LRRC73: variants seen among roughly 807,000 people sequenced by gnomAD.
LRRC73 encodes the protein leucine rich repeat containing 73, also known as leucine-rich repeat-containing protein 73.
In LRRC73, 16 loss-of-function variants were observed where a neutral mutation model predicts 26.4. That is an observed-to-expected ratio of 0.61 (90% CI 0.41 to 0.92). The LOEUF is 0.92. LRRC73 is among the 40% of genes least tolerant of loss of function. The probability of loss-of-function intolerance (pLI) is 0.00; values close to 1 mark genes in which losing one functional copy is unlikely to be tolerated. For missense variants in LRRC73, 344 were observed against 416.3 expected (o/e 0.83, Z 1.51); for synonymous variants, 210 against 179.8 (o/e 1.17, Z -1.34).
chr6:43,507,134 C>A, exon 6 of LRRC73: 1 of 1,258,566 alleles, frequency 7.9e-7, no homozygotes, highest in Non-Finnish European at 1.1e-6. Flanking sequence ...CATGCAGCCC[C>A]TGACCCCAGT....
At chr6:43,508,139 TG>T (rs1243718806) in intron 3 of LRRC73, among the ~76,000 whole-genome samples, 158 bp downstream of exon 3, 1 of 152,154 alleles carries the variant, frequency 6.6e-6, no homozygotes, top group Non-Finnish European at 1.5e-5. Context: ...ATCTATTTGT[TG>T]GTCACCTGGT....
exon 2 of LRRC73, chr6:43,508,842 A>G (rs1384034020): frequency 6.2e-7 from 1 of 1,612,982 alleles, no homozygotes; most frequent in African/African-American, 1.3e-5. Context: ...CCAGGTCCAG[A>G]GCCACGAGGG....
At position 43,508,255 on chromosome 6, in the gene LRRC73, G is replaced by T. The variant is rs182217870; in HGVS notation, c.556+43C>A. 9.3e-4 allele frequency: 1,465 copies of T among 1,575,584 alleles called. 16 individuals are homozygous for T. Among genetic ancestry groups the T allele is most frequent in the Non-Finnish European group, 2.7e-4 (318 of 1,159,510 alleles). On this transcript the variant is annotated intron_variant, in intron 3 of 5. Coordinates refer to ENST00000372441, the Ensembl canonical transcript of LRRC73. The stretch of plus-strand genomic sequence containing the variant: ...TGATGGTCCCAGGCTCTTGGATAGG[G>T]CATGAGGCAGTGACAGCCCAAGGGG...
chr6:43,507,453 T>TA lies in LRRC73; in HGVS notation c.880+2dup. The TA allele has an allele frequency of 6.2e-7, 1 of 1,612,932 alleles. No homozygotes were observed. The highest frequency in any genetic ancestry group is 8.5e-7 in the Non-Finnish European group (1 of 1,179,970). ...GGCTCTGATCAACCCTCTGGGTTCTTACCGCTGGGGCACATCCAGGAGCTG... is the reference window on the plus strand; with the variant it reads ...GGCTCTGATCAACCCTCTGGGTTCTTAACCGCTGGGGCACATCCAGGAGCTG... On this transcript the variant is annotated splice_region_variant and intron_variant, in intron 5 of 5. Transcript: ENST00000372441.
exon 1 of LRRC73, chr6:43,510,282 C>A (rs978019422): frequency 1.3e-5 from 2 of 153,224 alleles, no homozygotes; most frequent in Non-Finnish European, 2.9e-5. Flanking sequence ...GCGGGCCTGG[C>A]CGCACGGCTG....
At chr6:43,508,380 G>A (rs1210538669) in exon 3 of LRRC73, 5 of 1,613,720 alleles carry the variant, frequency 3.1e-6, no homozygotes, top group East Asian at 2.2e-5. Context: ...AGCCCTTAGG[G>A]GTGATGCCAG....
exon 5 of LRRC73, chr6:43,507,631 C>G (rs774679586): frequency 6.2e-7 from 1 of 1,614,140 alleles, no homozygotes. Flanking sequence ...CAGCCAACAC[C>G]AGGCTCCGCA....
intron 2 of LRRC73, 139 bp from the exon 3 acceptor site, chr6:43,508,559 A>G (rs1213278312): frequency 2.1e-6 from 3 of 1,424,126 alleles, no homozygotes; most frequent in African/African-American, 2.8e-5. Context: ...AAGAGCCATT[A>G]AGGAGGCCCA....
chr6:43,507,783 C>T, intron 4 of LRRC73, 43 bp downstream of exon 4: 1 of 1,602,100 alleles, frequency 6.2e-7, no homozygotes, highest in Non-Finnish European at 8.5e-7. Context: ...AAACTAACCT[C>T]CACCCCATCC....
exon 1 of LRRC73, chr6:43,509,580 G>A (rs763295878): frequency 4.4e-6 from 7 of 1,609,088 alleles, no homozygotes; most frequent in Non-Finnish European, 5.9e-6. Context: ...GCTGGGGCTG[G>A]ACACGACGCC....
chr6:43,507,615 T>C, exon 5 of LRRC73: 1 of 1,614,112 alleles, frequency 6.2e-7, no homozygotes, highest in Non-Finnish European at 8.5e-7. Flanking sequence ...GGGCTAATGC[T>C]GTTCTCAGCC....
At chr6:43,509,484 C>T (rs770511307) in intron 1 of LRRC73, 30 bp downstream of exon 1, 3 of 1,584,518 alleles carry the variant, frequency 1.9e-6, no homozygotes, top group East Asian at 2.3e-5. Flanking sequence ...GTGCAGTGCC[C>T]GGGACCCCCT....
At chr6:43,510,017 C>G (rs534433706) in exon 1 of LRRC73, 165 of 315,576 alleles carry the variant, frequency 5.2e-4, no homozygotes, top group African/African-American at 2.9e-3. Context: ...CGGAGGCGTC[C>G]AGGGCGCGGG....
chr6:43,508,554 C>T (rs1384845732), intron 2 of LRRC73, 134 bp from the exon 3 acceptor site: 2 of 1,439,728 alleles, frequency 1.4e-6, no homozygotes, highest in African/African-American at 1.4e-5. Context: ...AGGTCAAGAG[C>T]CATTAAGGAG....
chr6:43,508,221 C>T, intron 3 of LRRC73, 77 bp downstream of exon 3: 8 of 1,527,180 alleles, frequency 5.2e-6, no homozygotes, highest in Non-Finnish European at 7.0e-6. Flanking sequence ...TACGGGTTAC[C>T]ATGTCAACTG....
At chr6:43,507,606 G>C in exon 5 of LRRC73, 2 of 1,614,064 alleles carry the variant, frequency 1.2e-6, no homozygotes, top group Non-Finnish European at 1.7e-6. Flanking sequence ...TGCAGCTCTG[G>C]GCTAATGCTG....
In LRRC73 at chr6:43,508,878, C is replaced by T. The variant is rs1792583249; in HGVS notation, c.315G>A (p.Leu105=). 4 of 1,611,768 alleles carry T rather than the reference C, an allele frequency of 2.5e-6. No homozygotes were observed. The African/African-American group carries it at 4.0e-5, about 16-fold the overall frequency. The change falls in exon 2 of 6, where the codon CTG becomes CTA. Residue 105 remains leucine (L), a synonymous_variant. Coordinates refer to ENST00000372441, the Ensembl canonical transcript of LRRC73. ...CAGGGTGGAGGGCCAGGGCTGGGTT[C>T]AGCAAGGCCAGCCCCGCATCTGTCA... is the stretch of plus-strand genomic sequence containing the variant.
chr6:43,509,101 T>G (rs1244702853), intron 1 of LRRC73, among the ~76,000 whole-genome samples, 181 bp from the exon 2 acceptor site: 1 of 151,924 alleles, frequency 6.6e-6, no homozygotes, highest in African/African-American at 2.4e-5. Flanking sequence ...AGAATTCGGT[T>G]TGTTTTCTGG....
intron 3 of LRRC73, 51 bp downstream of exon 3, chr6:43,508,247 T>C: frequency 1.3e-6 from 2 of 1,559,250 alleles, no homozygotes; most frequent in Non-Finnish European, 1.7e-6. Flanking sequence ...CCCAGGCTCT[T>C]GGATAGGGCA....
Sources: gnomAD v4.1 joint callset for allele counts (sites outside exome capture counted in the v4.1 genomes callset) on GRCh38, gnomAD v4.1.1 for gene constraint, MANE v1.5 for transcripts, NCBI Gene and HGNC (gene_info 2026-07-23, HGNC 2026-07-21) for gene names.